MORC1: variants seen among roughly 807,000 people sequenced by gnomAD.
The protein encoded by MORC1 is MORC family CW-type zinc finger protein 1.
A neutral mutation model predicts 134.9 loss-of-function variants in MORC1; 59 were observed. The observed-to-expected ratio is 0.44, with a 90% CI of 0.35 to 0.54. MORC1 has a LOEUF of 0.54. Among genes scored for constraint, MORC1 ranks in the 20% least tolerant of loss-of-function variants. The pLI is 0.00. For missense variants in MORC1, 947 were observed against 1,134.5 expected, an observed-to-expected ratio of 0.83 and a Z score of 2.37; for synonymous variants, 395 against 391.7, an observed-to-expected ratio of 1.01 and a Z score of -0.10.
chr3:108,973,596 T>G (rs1171713786), intron 24 of MORC1, among the ~76,000 whole-genome samples: 1 of 13,540 alleles, frequency 7.4e-5, no homozygotes, highest in East Asian at 4.9e-4. Flanking sequence ...TTTGTTTTGG[T>G]TTTTTTTTTT....
At chr3:109,010,868 T>A (rs997760457) in intron 17 of MORC1, among the ~76,000 whole-genome samples, 1 of 152,208 alleles carries the variant, frequency 6.6e-6, no homozygotes, top group Non-Finnish European at 1.5e-5. Context: ...AGCTTTCCAC[T>A]GAATGGACAT....
chr3:109,061,925 C>A, intron 11 of MORC1, 63 bp downstream of exon 11: 2 of 1,424,540 alleles, frequency 1.4e-6, no homozygotes, highest in Non-Finnish European at 2.0e-6. Context: ...GACAACTATG[C>A]ACAGGAAAAA....
In MORC1 at chr3:108,994,798, C is replaced by T. The variant is rs540234586; in HGVS notation, c.2187+5759G>A. 1.9e-4 allele frequency among the ~76,000 whole-genome samples: 29 copies of T among 152,148 alleles called. No homozygotes were observed. The South Asian group carries it at 4.8e-3, about 25-fold the overall frequency. On this transcript the variant is annotated intron_variant, in intron 21 of 27. Transcript: ENST00000232603. The stretch of plus-strand genomic sequence containing the variant: ...ATTCCCCTGGTGTTCCTCAGTTTTG[C>T]GGCTCATTTCAAATTGATCATTTGC...
At chr3:109,035,536 G>T in intron 14 of MORC1, 68 bp from the exon 15 acceptor site, 1 of 1,047,612 alleles carries the variant, frequency 9.5e-7, no homozygotes. Context: ...ATTGGCAAAG[G>T]GAAGTTTGTA....
intron 20 of MORC1, among the ~76,000 whole-genome samples, chr3:109,002,561 C>CA (rs1281018377): frequency 6.6e-6 from 1 of 152,052 alleles, no homozygotes; most frequent in African/African-American, 2.4e-5. Context: ...CTGCACAAGG[C>CA]AAAAAACCCA....
intron 13 of MORC1, 126 bp downstream of exon 13, chr3:109,057,217 G>T: frequency 1.1e-6 from 1 of 939,266 alleles, no homozygotes; most frequent in Non-Finnish European, 1.5e-6. Context: ...ACTTCAACAG[G>T]AAGGGTGAAC....
chr3:108,973,382 G>T (rs1947446256), intron 24 of MORC1, among the ~76,000 whole-genome samples: 2 of 152,148 alleles, frequency 1.3e-5, no homozygotes, highest in South Asian at 4.2e-4. Flanking sequence ...AGAAGAAGGG[G>T]TTCTAACTCA....
At chr3:109,112,629 C>G (rs1427701394) in intron 2 of MORC1, among the ~76,000 whole-genome samples, 3 of 152,226 alleles carry the variant, frequency 2.0e-5, no homozygotes, top group Admixed American at 2.0e-4. Flanking sequence ...TGCTACTCAC[C>G]TCCAGCCCCT....
At chr3:108,974,162 C>T (rs1456856050) in intron 24 of MORC1, among the ~76,000 whole-genome samples, 1 of 152,086 alleles carries the variant, frequency 6.6e-6, no homozygotes, top group Non-Finnish European at 1.5e-5. Flanking sequence ...TAAATAGCTT[C>T]TCCCTTGGAG....
intron 17 of MORC1, 131 bp from the exon 18 acceptor site, chr3:109,007,222 A>ATG: frequency 1.6e-6 from 1 of 638,222 alleles, no homozygotes; most frequent in Non-Finnish European, 2.7e-6. Flanking sequence ...ATAATTGTTC[A>ATG]AGGAGTGCAT....
At chr3:109,005,973 GT>G (rs1948530433) in intron 18 of MORC1, among the ~76,000 whole-genome samples, 1 of 152,138 alleles carries the variant, frequency 6.6e-6, no homozygotes, top group Non-Finnish European at 1.5e-5. Flanking sequence ...ATTTTGTAAA[GT>G]TATGATACAG....
intron 21 of MORC1, among the ~76,000 whole-genome samples, chr3:108,997,665 C>A (rs903434666): frequency 6.6e-6 from 1 of 152,114 alleles, no homozygotes; most frequent in Non-Finnish European, 1.5e-5. Context: ...CAGTGAGCTA[C>A]AGCAGTGAGG....
intron 9 of MORC1, among the ~76,000 whole-genome samples, chr3:109,066,056 G>T (rs1349555475): frequency 2.0e-5 from 3 of 151,942 alleles, no homozygotes; most frequent in Non-Finnish European, 4.4e-5. Context: ...GGGTAGAAAT[G>T]ATCCCTATTG....
At chr3:108,988,746 A>G (rs1947964353) in intron 21 of MORC1, among the ~76,000 whole-genome samples, 1 of 152,188 alleles carries the variant, frequency 6.6e-6, no homozygotes. Flanking sequence ...ATCAAACAAG[A>G]TGAAAGTATC....
At position 109,118,124 on chromosome 3, in the gene MORC1, C is replaced by T. The variant is rs114459974; in HGVS notation, c.-65G>A. 9,249 of 1,547,958 alleles carry T rather than the reference C, an allele frequency of 6.0e-3. 416 individuals are homozygous for T. In the African/African-American group the frequency reaches 0.11, roughly 18 times the overall value. ...CACCTGACCGGCAGCCGTTCGCCTG[C>T]GCCCGCGCCCACTCCCACGCCCACG... On this transcript the variant is annotated 5_prime_UTR_variant, in exon 1 of 28. Coordinates refer to ENST00000232603, the MANE Select transcript of MORC1 (RefSeq NM_014429.4).
chr3:108,964,183 A>G (rs1947156790), intron 26 of MORC1, among the ~76,000 whole-genome samples: 1 of 152,230 alleles, frequency 6.6e-6, no homozygotes, highest in Non-Finnish European at 1.5e-5. Flanking sequence ...ACCCTCATTA[A>G]TAGAAGAATC....
chr3:109,059,501 C>G (rs1950032103), intron 12 of MORC1, among the ~76,000 whole-genome samples: 1 of 152,140 alleles, frequency 6.6e-6, no homozygotes, highest in Non-Finnish European at 1.5e-5. Context: ...CCGGGCAGTT[C>G]ACTTTCACTT....
intron 12 of MORC1, among the ~76,000 whole-genome samples, chr3:109,057,900 A>G (rs1052291669): frequency 1.3e-5 from 2 of 152,236 alleles, no homozygotes; most frequent in South Asian, 4.1e-4. Context: ...GATATCCTAC[A>G]TAGATTGGAA....
At position 109,035,377 on chromosome 3, in the gene MORC1, T is replaced by C; in HGVS notation, c.1422A>G (p.Arg474=). ...EKPLNSFQYQ[R]RQAMGIPFII... ...TGAATGGGATACCCATGGCTTGTCT[T>C]CTTTGATATTGAAAAGAATTTAAAG... The change falls in exon 15 of 28, where the codon AGA becomes AGG. Residue 474 remains arginine (R), a synonymous_variant. Coordinates refer to ENST00000232603, the MANE Select transcript of MORC1 (RefSeq NM_014429.4). The C allele has an allele frequency of 6.3e-7, 1 of 1,588,644 alleles. No individual in the cohort carries two copies. Among genetic ancestry groups the C allele is most frequent in the Non-Finnish European group, 8.6e-7 (1 of 1,165,238 alleles).
Sources: gnomAD v4.1 joint callset for allele counts (sites outside exome capture counted in the v4.1 genomes callset) on GRCh38, gnomAD v4.1.1 for gene constraint, MANE v1.5 for transcripts, NCBI Gene and HGNC (gene_info 2026-07-23, HGNC 2026-07-21) for gene names.